ZFHX3: variants seen among roughly 807,000 people sequenced by gnomAD.
ZFHX3 encodes the protein zinc finger homeobox 3.
ZFHX3 carries 42 observed loss-of-function variants against 279.1 expected under a neutral mutation model. The ratio of observed to expected loss-of-function variants is 0.15; its 90% CI spans 0.12 to 0.19. The LOEUF is 0.19. ZFHX3 is among the 10% of genes least tolerant of loss of function. ZFHX3 has a pLI of 1.00. For missense variants in ZFHX3, 4,981 were observed against 4,754.0 expected (o/e 1.05, Z -1.40); for synonymous variants, 2,293 against 1,957.8 (o/e 1.17, Z -4.52).
At chr16:73,682,106 T>C (rs2053016339) in intron 1 of ZFHX3, among the ~76,000 whole-genome samples, 1 of 152,212 alleles carries the variant, frequency 6.6e-6, no homozygotes, top group Non-Finnish European at 1.5e-5. Context: ...TGTACTTATT[T>C]AGAACTTAGG....
chr16:73,662,071 C>T (rs2052791376), intron 2 of ZFHX3, among the ~76,000 whole-genome samples: 1 of 147,406 alleles, frequency 6.8e-6, no homozygotes, highest in South Asian at 2.1e-4. Context: ...CCAGGCTGTA[C>T]TTGATAAAAT....
In ZFHX3 at chr16:73,481,283, C is replaced by T. The variant is rs566289413; in HGVS notation, c.-1546-25025G>A. On this transcript the variant is annotated intron_variant, in intron 2 of 17. Transcript: ENST00000641206. The stretch of plus-strand genomic sequence containing the variant: ...GGTGGAGGCTGCAGTGAGCTGAGAT[C>T]GCATCACTGCACTCCAGCCTGGGCA... Among the ~76,000 whole-genome samples the T allele has an allele frequency of 5.3e-5, 8 of 151,556 alleles. No homozygotes were observed. The East Asian group carries it at 9.7e-4, about 18-fold the overall frequency.
At chr16:72,902,134 T>C (rs1409388030) in intron 3 of ZFHX3, among the ~76,000 whole-genome samples, 4 of 152,220 alleles carry the variant, frequency 2.6e-5, no homozygotes, top group Admixed American at 1.3e-4. Flanking sequence ...GGGGGATCAA[T>C]AGAGGCAATC....
At chr16:73,452,266 A>G (rs1481907691) in intron 3 of ZFHX3, among the ~76,000 whole-genome samples, 1 of 152,210 alleles carries the variant, frequency 6.6e-6, no homozygotes, top group East Asian at 1.9e-4. Context: ...ACTCTAAGCC[A>G]TAGGTCAAAA....
At chr16:73,377,296 C>A (rs1351549540) in intron 3 of ZFHX3, among the ~76,000 whole-genome samples, 2 of 152,094 alleles carry the variant, frequency 1.3e-5, no homozygotes, top group African/African-American at 4.8e-5. Flanking sequence ...ATTGCTGCAA[C>A]AGTGTCCCCA....
intron 1 of ZFHX3, among the ~76,000 whole-genome samples, chr16:73,019,162 C>A (rs978405078): frequency 6.6e-6 from 1 of 152,186 alleles, no homozygotes; most frequent in Admixed American, 6.5e-5. Context: ...CACTACGAGG[C>A]AAGGACCGAG....
rs140916602 is a variant in ZFHX3, at chr16:73,192,345, C to T, written c.-1103-48514G>A. ...TGAGGCATTGAGAGGTGCTGAAACC[C>T]AAACCACCCGCCGCCCTGGCTTCCT... On this transcript the variant is annotated intron_variant, in intron 5 of 17. Coordinates refer to the ZFHX3 transcript ENST00000641206. Among the ~76,000 whole-genome samples, 11 of 152,246 alleles carry T rather than the reference C, an allele frequency of 7.2e-5. No homozygotes were observed. In the East Asian group the frequency reaches 1.9e-3, roughly 27 times the overall value.
intron 1 of ZFHX3, among the ~76,000 whole-genome samples, chr16:72,985,083 G>A (rs1962788959): frequency 1.3e-5 from 2 of 152,168 alleles, no homozygotes; most frequent in African/African-American, 4.8e-5. Context: ...CCAAGTTTCT[G>A]AGAAACGTCA....
chr16:73,241,673 C>G (rs2013125196), intron 5 of ZFHX3, among the ~76,000 whole-genome samples: 1 of 151,754 alleles, frequency 6.6e-6, no homozygotes, highest in South Asian at 2.1e-4. Flanking sequence ...GCCTATAATC[C>G]CAGCTACTTG....
rs1417352875 is a variant in ZFHX3, at chr16:73,631,923, TCTCTCACACACACACA to T, written c.-1547+48241_-1547+48256del. On this transcript the variant is annotated intron_variant, in intron 2 of 17. Coordinates refer to the ZFHX3 transcript ENST00000641206. ...TTCTCTCTCTCTCTCTCTCTCTCTC[TCTCTCACACACACACA>T]CACACACACACACACACACACAAAG... Among the ~76,000 whole-genome samples, 224 of 101,854 alleles carry T rather than the reference TCTCTCACACACACACA, an allele frequency of 2.2e-3. 1 individual carries two copies. In the South Asian group the frequency reaches 0.034, roughly 15 times the overall value. The allele number at this position is 101,854 out of a possible 152,430, so 66.8% of individuals were successfully genotyped here.
chr16:73,606,042 G>A (rs2143871639), intron 2 of ZFHX3, among the ~76,000 whole-genome samples: 1 of 151,740 alleles, frequency 6.6e-6, no homozygotes, highest in Middle Eastern at 3.4e-3. Context: ...AATTACCCCG[G>A]CGTGGTGGCG....
At position 73,523,624 on chromosome 16, in the gene ZFHX3, T is replaced by G. The variant is rs1383966437; in HGVS notation, c.-1546-67366A>C. 8.4e-4 allele frequency among the ~76,000 whole-genome samples: 60 copies of G among 71,214 alleles called. No homozygotes were observed. In the East Asian group the frequency reaches 0.015, roughly 18 times the overall value. 46.7% of individuals were successfully genotyped at this position (71,214 alleles called of 152,430 possible). On this transcript the variant is annotated intron_variant, in intron 2 of 17. Coordinates refer to the ZFHX3 transcript ENST00000641206. ...GGGGGCAGGGAATGGAAGCTGGGTT[T>G]TTTTTTTTTTTTTCATATGTATATT...
At chr16:73,036,185 G>T (rs909158386) in intron 1 of ZFHX3, among the ~76,000 whole-genome samples, 6 of 152,184 alleles carry the variant, frequency 3.9e-5, no homozygotes, top group African/African-American at 7.2e-5. Context: ...GGAGGGCTGC[G>T]GGAGGAAGGT....
rs78703905 is a variant in ZFHX3, at chr16:73,225,250, T to C, written c.-1104+31797A>G. 6.6e-5 allele frequency among the ~76,000 whole-genome samples: 10 copies of C among 152,286 alleles called. 1 individual carries two copies. In the East Asian group the frequency reaches 1.9e-3, roughly 29 times the overall value. On this transcript the variant is annotated intron_variant, in intron 5 of 17. Transcript: ENST00000641206. The stretch of plus-strand genomic sequence containing the variant: ...GACAAATACGGAAAATATGACTGTC[T>C]ACAATAGAGAGTAAACATTTGAGGC...
At chr16:73,591,708 AAAAAAAAAAAG>A (rs1230294566) in intron 2 of ZFHX3, among the ~76,000 whole-genome samples, 1 of 149,644 alleles carries the variant, frequency 6.7e-6, no homozygotes, top group Non-Finnish European at 1.5e-5. Flanking sequence ...AAAAAAAAAA[AAAAAAAAAAAG>A]AAAAGAAAAG....
chr16:72,954,377 A>G (rs201504095), intron 2 of ZFHX3, among the ~76,000 whole-genome samples: 152 of 152,320 alleles, frequency 1.0e-3, no homozygotes, highest in African/African-American at 3.4e-3. Context: ...TCTCAAAAAA[A>G]AGAAATGAAA....
chr16:72,880,906 T>G (rs1419410997), intron 4 of ZFHX3, among the ~76,000 whole-genome samples: 1 of 152,202 alleles, frequency 6.6e-6, no homozygotes, highest in Non-Finnish European at 1.5e-5. Flanking sequence ...AAGACATAAG[T>G]AGCAAAAAGC....
At chr16:72,881,016 C>A (rs183415362) in intron 4 of ZFHX3, among the ~76,000 whole-genome samples, 1 of 152,272 alleles carries the variant, frequency 6.6e-6, no homozygotes, top group Non-Finnish European at 1.5e-5. Flanking sequence ...TCCAGGCTGG[C>A]GGGAACCACA....
At chr16:73,509,126 G>C (rs1358811845) in intron 2 of ZFHX3, among the ~76,000 whole-genome samples, 1 of 152,182 alleles carries the variant, frequency 6.6e-6, no homozygotes, top group South Asian at 2.1e-4. Flanking sequence ...CTTTGGCCTT[G>C]ATTCTCATAG....
Sources: allele counts gnomAD v4.1 joint callset (sites outside exome capture counted in the v4.1 genomes callset), GRCh38; gene constraint gnomAD v4.1.1; transcripts MANE v1.5; gene names NCBI Gene and HGNC (gene_info 2026-07-23, HGNC 2026-07-21).